C2orf42: variants seen among roughly 807,000 people sequenced by gnomAD.
C2orf42 encodes chromosome 2 open reading frame 42.
In C2orf42, 44 loss-of-function variants were observed where a neutral mutation model predicts 58.9. The observed-to-expected ratio is 0.75, with a 90% CI of 0.59 to 0.96. The LOEUF (loss-of-function observed/expected upper bound fraction) is 0.96, where lower values mean the gene tolerates loss of function less well. Ranked by LOEUF, C2orf42 falls within the 40% of genes least tolerant of loss-of-function variation. C2orf42 has a pLI of 0.00. For synonymous variants in C2orf42, 239 were observed against 265.4 expected, an observed-to-expected ratio of 0.90 and a Z score of 0.97; for missense variants, 630 against 699.2, an observed-to-expected ratio of 0.90 and a Z score of 1.12.
chr2:70,182,106 AT>A (rs879788771), intron 2 of C2orf42, 109 bp from the exon 3 acceptor site: 50,795 of 443,622 alleles, frequency 0.11, 6 homozygotes, highest in South Asian at 0.17. Flanking sequence ...GCTATCTACT[AT>A]TTTTTTTTTT....
chr2:70,167,336 C>T lies in C2orf42; in HGVS notation c.1145-1701G>A, dbSNP rs192384758. ...TCACGCCACTGCACTCCAGCCTGGG[C>T]GACAGAGTGAGACTCTGTCTCAAAA... On this transcript the variant is annotated intron_variant, in intron 6 of 9. Transcript: ENST00000264434. 6.0e-3 allele frequency among the ~76,000 whole-genome samples: 867 copies of T among 144,384 alleles called. 10 individuals are homozygous for T. Among genetic ancestry groups the T allele is most frequent in the Middle Eastern group, 0.023 (6 of 262 alleles). The allele number at this position is 144,384 out of a possible 152,430, so 94.7% of individuals were successfully genotyped here.
At position 70,181,189 on chromosome 2, in the gene C2orf42, G is replaced by A. The variant is rs1674537939; in HGVS notation, c.797C>T (p.Ser266Leu). Reference sequence around the variant, plus strand: ...GCTGGAATCAAAATTTAGGAAGTCTGAGAATTCCTGAGCCAGTGTCTCATC... The same window carrying A: ...GCTGGAATCAAAATTTAGGAAGTCTAAGAATTCCTGAGCCAGTGTCTCATC... ...ASDETLAQEF[S>L]DFLNFDSSGL... The change falls in exon 3 of 10, where the codon TCA becomes TTA. Residue 266 changes from serine (S) to leucine (L), a missense_variant. Ser to Leu is a moderately radical substitution (Grantham distance 145). Transcript: ENST00000264434. 6.4e-7 allele frequency: 1 copy of A among 1,569,582 alleles called. No individual in the cohort carries two copies. The highest frequency in any genetic ancestry group is 8.7e-7 in the Non-Finnish European group (1 of 1,153,650).
At chr2:70,178,551 G>A (rs1395606278) in intron 4 of C2orf42, among the ~76,000 whole-genome samples, 1 of 152,156 alleles carries the variant, frequency 6.6e-6, no homozygotes, top group Non-Finnish European at 1.5e-5. Context: ...AGGTTGCAGT[G>A]AGCCGAAGAT....
At chr2:70,163,833 G>A (rs1467619099) in intron 8 of C2orf42, among the ~76,000 whole-genome samples, 2 of 151,710 alleles carry the variant, frequency 1.3e-5, no homozygotes, top group African/African-American at 2.4e-5. Context: ...CTGGGCAACA[G>A]AGCAAGAGAC....
chr2:70,179,895 T>C (rs977207363), intron 3 of C2orf42, among the ~76,000 whole-genome samples: 4 of 152,022 alleles, frequency 2.6e-5, no homozygotes, highest in African/African-American at 7.2e-5. Flanking sequence ...GCCGTGATTA[T>C]GTCACTGCAT....
intron 4 of C2orf42, among the ~76,000 whole-genome samples, chr2:70,178,840 G>T (rs535213427): frequency 3.3e-5 from 5 of 150,636 alleles, no homozygotes; most frequent in Non-Finnish European, 7.4e-5. Context: ...TATGAGAATT[G>T]CTTGAACCCG....
intron 1 of C2orf42, among the ~76,000 whole-genome samples, chr2:70,185,278 C>T (rs1430634747): frequency 1.3e-5 from 2 of 151,614 alleles, no homozygotes; most frequent in African/African-American, 4.8e-5. Context: ...CGTGGTGGTG[C>T]ACGTCTGTAA....
intron 9 of C2orf42, among the ~76,000 whole-genome samples, chr2:70,157,034 G>A (rs1272848956): frequency 2.0e-5 from 3 of 152,146 alleles, no homozygotes; most frequent in Non-Finnish European, 2.9e-5. Context: ...CAACAACACT[G>A]CATTTAAAAT....
intron 9 of C2orf42, among the ~76,000 whole-genome samples, chr2:70,154,056 A>C (rs1427558209): frequency 6.6e-4 from 82 of 124,126 alleles, no homozygotes; most frequent in African/African-American, 3.3e-3. Context: ...CTGTCTCAAA[A>C]AAACAAACAA....
chr2:70,180,281 GA>G (rs2103622844), intron 3 of C2orf42, among the ~76,000 whole-genome samples: 2 of 151,966 alleles, frequency 1.3e-5, no homozygotes, highest in South Asian at 4.1e-4. Flanking sequence ...GACAGAGTGA[GA>G]CTCCATCTCA....
intron 4 of C2orf42, among the ~76,000 whole-genome samples, chr2:70,176,118 C>T (rs1473813222): frequency 1.3e-5 from 2 of 152,080 alleles, no homozygotes; most frequent in African/African-American, 2.4e-5. Context: ...TGTGATTTTA[C>T]CAGAGTTGCC....
Position 70,179,576 on chromosome 2 carries a change from G to T in C2orf42, c.890C>A (p.Ser297Tyr). Residue 297 changes from serine to tyrosine, a missense_variant, in exon 4 of 10, where the codon TCT (serine) becomes TAT (tyrosine). Transcript: ENST00000264434. ...CCTCTTCTTTGACTTAGAGGCAGTA[G>T]ACTCACAAGCAGATACTGTTGATTC... ...HSESTVSACESTASKSKKRRK... is the reference protein window; with the variant it reads ...HSESTVSACEYTASKSKKRRK... 2 of 1,568,914 alleles carry T rather than the reference G, an allele frequency of 1.3e-6. No individual in the cohort carries two copies. The highest frequency in any genetic ancestry group is 1.8e-6 in the Non-Finnish European group (2 of 1,139,762).
intron 1 of C2orf42, among the ~76,000 whole-genome samples, chr2:70,183,729 TA>T (rs61040354): frequency 1.4e-3 from 192 of 141,776 alleles, no homozygotes; most frequent in Non-Finnish European, 1.4e-3. Flanking sequence ...CCCATCTCTT[TA>T]AAAAAAAAAA....
intron 1 of C2orf42, among the ~76,000 whole-genome samples, chr2:70,187,379 T>C (rs1305192015): frequency 6.6e-6 from 1 of 151,938 alleles, no homozygotes; most frequent in Admixed American, 6.6e-5. Context: ...GCCTCCTGAG[T>C]AGCGGGGATT....
intron 1 of C2orf42, among the ~76,000 whole-genome samples, chr2:70,189,579 A>C (rs1675191792): frequency 6.7e-6 from 1 of 149,284 alleles, no homozygotes; most frequent in African/African-American, 2.5e-5. Flanking sequence ...TAGCTGGGCG[A>C]GGTGGCGGGC....
chr2:70,157,613 A>G (rs1672764666), intron 9 of C2orf42, among the ~76,000 whole-genome samples: 2 of 152,090 alleles, frequency 1.3e-5, no homozygotes, highest in Non-Finnish European at 2.9e-5. Flanking sequence ...CCTGGCCAAC[A>G]TGGCGAAACC....
At chr2:70,155,007 A>C (rs1672569506) in intron 9 of C2orf42, among the ~76,000 whole-genome samples, 1 of 151,968 alleles carries the variant, frequency 6.6e-6, no homozygotes, top group Admixed American at 6.6e-5. Context: ...GCACTTTGGG[A>C]GGCCAAGGCG....
chr2:70,172,277 G>A (rs1673877671), intron 5 of C2orf42, among the ~76,000 whole-genome samples: 1 of 150,660 alleles, frequency 6.6e-6, no homozygotes, highest in Non-Finnish European at 1.5e-5. Context: ...CCCACTGAGT[G>A]ACGAGGGTCC....
At chr2:70,168,290 CT>C (rs374244702) in intron 6 of C2orf42, among the ~76,000 whole-genome samples, 27,959 of 131,890 alleles carry the variant, frequency 0.21, 4,122 homozygotes, top group African/African-American at 0.45. Flanking sequence ...CTATAGGATC[CT>C]TTTTTTTTTT....
Sources: gnomAD v4.1 joint callset for allele counts (sites outside exome capture counted in the v4.1 genomes callset) on GRCh38, gnomAD v4.1.1 for gene constraint, MANE v1.5 for transcripts, NCBI Gene and HGNC (gene_info 2026-07-23, HGNC 2026-07-21) for gene names.